The following TBCD variants were observed in gnomAD, a reference collection of about 807,000 sequenced individuals.
TBCD encodes the protein tubulin folding cofactor D, also known as tubulin-specific chaperone D.
TBCD carries 105 observed loss-of-function variants against 169.3 expected under a neutral mutation model. That is an observed-to-expected ratio of 0.62 (90% CI 0.53 to 0.73). The LOEUF (loss-of-function observed/expected upper bound fraction) is 0.73, where lower values mean the gene tolerates loss of function less well. Ranked by LOEUF, TBCD falls within the 30% of genes least tolerant of loss-of-function variation. The probability of loss-of-function intolerance (pLI) is 0.00; values close to 1 mark genes in which losing one functional copy is unlikely to be tolerated. For synonymous variants in TBCD, 700 were observed against 643.9 expected (o/e 1.09, Z -1.32); for missense variants, 1,444 against 1,600.1 (o/e 0.90, Z 1.66).
At chr17:82,865,544 A>G in intron 13 of TBCD, 1 of 985,386 alleles carries the variant, frequency 1.0e-6, no homozygotes, top group Non-Finnish European at 1.2e-6. Flanking sequence ...CCGCGGGGGT[A>G]CTCGGCTGCA....
At chr17:82,818,626 C>T (rs751032603) in intron 13 of TBCD, among the ~76,000 whole-genome samples, 2 of 152,126 alleles carry the variant, frequency 1.3e-5, no homozygotes, top group Admixed American at 6.5e-5. Context: ...CACACACAAA[C>T]ACTGCAGCTG....
intron 8 of TBCD, among the ~76,000 whole-genome samples, chr17:82,798,151 A>AT (rs11288367): frequency 0.023 from 2,710 of 117,820 alleles, 128 homozygotes; most frequent in African/African-American, 0.076. Context: ...TAATTTTTGT[A>AT]TTTTTTTTTT....
rs186810180 is a variant in TBCD, at chr17:82,847,178, C to T, written c.1319-23046C>T. ...CATCTTGTCTAACACAGTGAAACCC[C>T]GTCTCTACTAAAAATACACAAAAAA... On this transcript the variant is annotated intron_variant, in intron 13 of 38. Coordinates refer to ENST00000355528, the MANE Select transcript of TBCD (RefSeq NM_005993.5). Among the ~76,000 whole-genome samples the T allele has an allele frequency of 1.4e-4, 21 of 150,938 alleles. 1 individual carries two copies. The highest frequency in any genetic ancestry group is 3.3e-4 in the Admixed American group (5 of 15,240).
intron 1 of TBCD, among the ~76,000 whole-genome samples, chr17:82,754,320 G>C (rs2047290513): frequency 6.6e-6 from 1 of 152,188 alleles, no homozygotes; most frequent in Non-Finnish European, 1.5e-5. Flanking sequence ...GCGTCTGCGT[G>C]GGGCCCCAGG....
rs1156650704 is a variant in TBCD, at chr17:82,943,129, C to CA, written c.*667dup. The CA allele has an allele frequency of 6.5e-6, 1 of 152,794 alleles. No homozygotes were observed. Among genetic ancestry groups the CA allele is most frequent in the African/African-American group, 2.4e-5 (1 of 41,434 alleles). 9.5% of individuals were successfully genotyped at this position (152,794 alleles called of 1,614,324 possible). ...AAATGTCTGCTGCAAGGGGAATCGT[C>CA]AGAGTCCAATGTGTGCCTCTACAGT... On this transcript the variant is annotated 3_prime_UTR_variant, in exon 39 of 39. Transcript: ENST00000355528.
chr17:82,854,119 C>T (rs2056051780), intron 13 of TBCD, among the ~76,000 whole-genome samples: 1 of 152,154 alleles, frequency 6.6e-6, no homozygotes, highest in African/African-American at 2.4e-5. Flanking sequence ...TTCCATCTGA[C>T]ATATTTGACA....
Position 82,865,521 on chromosome 17 carries a change from C to T in TBCD, c.1319-4703C>T, listed in dbSNP as rs571059360. ...CACGCCTTCCTCGTGGAGGGTGTGG[C>T]GGGCTGTCTGTGCCGCGGGGGTACT... On this transcript the variant is annotated intron_variant, in intron 13 of 38. Coordinates refer to ENST00000355528, the MANE Select transcript of TBCD (RefSeq NM_005993.5). 3.9e-4 allele frequency: 388 copies of T among 985,464 alleles called. No homozygotes were observed. In the South Asian group the frequency reaches 5.1e-3, roughly 13 times the overall value. The allele number at this position is 985,464 out of a possible 1,614,324, so 61.0% of individuals were successfully genotyped here.
At chr17:82,862,498 G>A (rs989889000) in intron 13 of TBCD, among the ~76,000 whole-genome samples, 14 of 152,204 alleles carry the variant, frequency 9.2e-5, no homozygotes, top group Non-Finnish European at 8.8e-5. Context: ...CAGTTTGGGT[G>A]AATAATGTGT....
intron 13 of TBCD, among the ~76,000 whole-genome samples, chr17:82,836,219 C>T (rs1348970406): frequency 1.3e-5 from 2 of 152,382 alleles, no homozygotes; most frequent in Non-Finnish European, 2.9e-5. Flanking sequence ...TGCCTGGTTC[C>T]AGCCAAACGC....
At position 82,874,760 on chromosome 17, in the gene TBCD, C is replaced by T. The variant is rs1432766004; in HGVS notation, c.1475+4380C>T. ...CGAGCCTCCCTGCCCAGGAGCCCTG[C>T]GCACCCGGGTATCGGTTGGGGTGTG... On this transcript the variant is annotated intron_variant, in intron 14 of 38. Transcript: ENST00000355528. This position sits in a 1 kb window ranked among gnomAD's most constrained non-coding sequence, Gnocchi z 5.0. 2.6e-5 allele frequency among the ~76,000 whole-genome samples: 4 copies of T among 152,252 alleles called. No individual in the cohort carries two copies. The highest frequency in any genetic ancestry group is 1.3e-4 in the Admixed American group (2 of 15,292).
At position 82,942,781 on chromosome 17, in the gene TBCD, G is replaced by A; in HGVS notation, c.*318G>A. On this transcript the variant is annotated 3_prime_UTR_variant, in exon 39 of 39. Coordinates refer to ENST00000355528, the MANE Select transcript of TBCD (RefSeq NM_005993.5). ...TCACTGCCCAGGGGTCAGCCAGAGG[G>A]GAGGTGGGCTGCACTCCTCCTGCCT... The A allele has an allele frequency of 2.1e-6, 1 of 467,448 alleles. No individual in the cohort carries two copies. Among genetic ancestry groups the A allele is most frequent in the African/African-American group, 2.0e-5 (1 of 50,344 alleles). 29.0% of individuals were successfully genotyped at this position (467,448 alleles called of 1,614,324 possible).
chr17:82,884,089 T>C lies in TBCD; in HGVS notation c.1476-56T>C, dbSNP rs1485832469. On this transcript the variant is annotated intron_variant, in intron 14 of 38. Coordinates refer to ENST00000355528, the MANE Select transcript of TBCD (RefSeq NM_005993.5). This position sits in a 1 kb window ranked among gnomAD's most constrained non-coding sequence, Gnocchi z 4.2. ...GAAAGGCTTTCTCATCGATACTGTG[T>C]GGTCTGTACTGTTTTGCAGAATTTC... 1 of 1,494,792 alleles carries C rather than the reference T, an allele frequency of 6.7e-7. No individual in the cohort carries two copies. The highest frequency in any genetic ancestry group is 9.2e-7 in the Non-Finnish European group (1 of 1,092,654). The allele number at this position is 1,494,792 out of a possible 1,614,324, so 92.6% of individuals were successfully genotyped here. A position where few individuals can be genotyped will look rare whatever the true frequency, so the allele number is the denominator to read the frequency against.
intron 23 of TBCD, among the ~76,000 whole-genome samples, chr17:82,916,691 T>C (rs1021547295): frequency 6.6e-6 from 1 of 152,244 alleles, no homozygotes; most frequent in Non-Finnish European, 1.5e-5. Flanking sequence ...CTTTTAAGTT[T>C]CGCTGGCTTC....
intron 4 of TBCD, among the ~76,000 whole-genome samples, chr17:82,767,481 G>A (rs922322939): frequency 6.6e-6 from 1 of 151,462 alleles, no homozygotes; most frequent in African/African-American, 2.4e-5. Flanking sequence ...CACTCTTCTT[G>A]CCCAGGTTGG....
Position 82,941,434 on chromosome 17 carries a change from A to T in TBCD, c.3515A>T (p.Asn1172Ile). Residue 1172 changes from asparagine to isoleucine, a missense_variant, in exon 38 of 39, where the codon AAC (asparagine) becomes ATC (isoleucine). By Grantham distance (149) the Asn-to-Ile change is moderately radical (BLOSUM62 -3). Coordinates refer to ENST00000355528, the MANE Select transcript of TBCD (RefSeq NM_005993.5). ...CTTGCAGTGGTGAGAGAGCAGCGCAACCGTCTGTGTGACCTTCTGGGCGTA... is the reference window on the plus strand; with the variant it reads ...CTTGCAGTGGTGAGAGAGCAGCGCATCCGTCTGTGTGACCTTCTGGGCGTA... ...AELAVVREQR[N>I]RLCDLLGVPR... 6.2e-7 allele frequency: 1 copy of T among 1,602,702 alleles called. No homozygotes were observed. Among genetic ancestry groups the T allele is most frequent in the South Asian group, 1.1e-5 (1 of 89,342 alleles).
chr17:82,762,705 C>T (rs1478370236), intron 2 of TBCD, among the ~76,000 whole-genome samples: 2 of 151,132 alleles, frequency 1.3e-5, no homozygotes, highest in African/African-American at 4.9e-5. Flanking sequence ...GCTGAGATGA[C>T]ACCACTGCAC....
At chr17:82,830,825 C>T (rs752213550) in intron 13 of TBCD, 1 of 1,613,218 alleles carries the variant, frequency 6.2e-7, no homozygotes, top group Non-Finnish European at 8.5e-7. Flanking sequence ...GCCTCCGAGA[C>T]GAGAGAGGCG....
Position 82,930,398 on chromosome 17 carries a change from C to A in TBCD, c.2992-124C>A. On this transcript the variant is annotated intron_variant, in intron 32 of 38. Coordinates refer to ENST00000355528, the MANE Select transcript of TBCD (RefSeq NM_005993.5). This position sits in a 1 kb window ranked among gnomAD's most constrained non-coding sequence, Gnocchi z 5.2. ...TCCGCACCAGCCGCTTGGGGCCAGA[C>A]CTTCGCGTCTCTGCAGCTCGGAGCA... 1 of 1,401,574 alleles carries A rather than the reference C, an allele frequency of 7.1e-7. No homozygotes were observed. The highest frequency in any genetic ancestry group is 9.5e-7 in the Non-Finnish European group (1 of 1,057,436). 86.8% of individuals were successfully genotyped at this position (1,401,574 alleles called of 1,614,324 possible).
chr17:82,887,748 G>A (rs2058855785), intron 15 of TBCD, among the ~76,000 whole-genome samples: 1 of 152,202 alleles, frequency 6.6e-6, no homozygotes, highest in African/African-American at 2.4e-5. Flanking sequence ...GTCCTCGCTT[G>A]TGTCTGACAT....
Sources: gnomAD v4.1 joint callset for allele counts (sites outside exome capture counted in the v4.1 genomes callset) on GRCh38, gnomAD v4.1.1 for gene constraint, Gnocchi (gnomAD v3.1) non-coding constraint, MANE v1.5 for transcripts, NCBI Gene and HGNC (gene_info 2026-07-23, HGNC 2026-07-21) for gene names.